The following ULK4 variants were observed in gnomAD, a reference collection of about 807,000 sequenced individuals.
ULK4 encodes unc-51 like kinase 4.
Under a neutral mutation model 160.6 loss-of-function variants are expected in ULK4, and 133 were observed. That is an observed-to-expected ratio of 0.83 (90% confidence interval 0.72 to 0.96). The LOEUF (loss-of-function observed/expected upper bound fraction) is 0.96. Among genes scored for constraint, ULK4 ranks in the 40% least tolerant of loss-of-function variants. The pLI is 0.00. For synonymous variants in ULK4, 534 were observed against 539.8 expected (o/e 0.99, Z 0.15); for missense variants, 1,580 against 1,499.5 (o/e 1.05, Z -0.89).
chr3:41,579,361 C>T (rs2030043971), intron 31 of ULK4, among the ~76,000 whole-genome samples: 1 of 152,034 alleles, frequency 6.6e-6, no homozygotes, highest in African/African-American at 2.4e-5. Flanking sequence ...GAACAGATGG[C>T]TTTACCCATG....
intron 25 of ULK4, among the ~76,000 whole-genome samples, chr3:41,706,846 AAT>A (rs2036909310): frequency 1.5e-4 from 19 of 129,580 alleles, no homozygotes; most frequent in African/African-American, 3.5e-4. Context: ...AAAAAAAAAA[AAT>A]ATGTGTGTGT....
At chr3:41,562,482 T>C (rs563936450) in intron 32 of ULK4, among the ~76,000 whole-genome samples, 12 of 152,284 alleles carry the variant, frequency 7.9e-5, no homozygotes, top group African/African-American at 2.6e-4. Flanking sequence ...CCCATTATTA[T>C]TGTGTGGGAG....
intron 21 of ULK4, among the ~76,000 whole-genome samples, chr3:41,782,431 C>T (rs150272162): frequency 0.019 from 2,883 of 151,974 alleles, 39 homozygotes; most frequent in Non-Finnish European, 0.03. Context: ...TTCAACAACC[C>T]AAAAATAACT....
intron 35 of ULK4, among the ~76,000 whole-genome samples, chr3:41,370,417 G>A (rs1184551433): frequency 1.3e-5 from 2 of 152,160 alleles, no homozygotes; most frequent in Non-Finnish European, 2.9e-5. Flanking sequence ...CAACCCAGAA[G>A]GTGGGTGATT....
At chr3:41,741,322 T>C (rs1230780447) in intron 22 of ULK4, among the ~76,000 whole-genome samples, 3 of 151,956 alleles carry the variant, frequency 2.0e-5, no homozygotes, top group Non-Finnish European at 4.4e-5. Flanking sequence ...ATAGAAGTTT[T>C]GCCACTTTTA....
At chr3:41,737,012 G>C (rs2038077847) in intron 22 of ULK4, among the ~76,000 whole-genome samples, 1 of 151,840 alleles carries the variant, frequency 6.6e-6, no homozygotes, top group Non-Finnish European at 1.5e-5. Flanking sequence ...TAGATATGTG[G>C]CATTATTTCT....
chr3:41,412,966 T>C (rs1464068403), intron 34 of ULK4, among the ~76,000 whole-genome samples: 2 of 152,200 alleles, frequency 1.3e-5, no homozygotes, highest in Non-Finnish European at 1.5e-5. Context: ...AAAGGCCTTG[T>C]AGTAGTCTGT....
chr3:41,877,990 A>C (rs901604861), intron 17 of ULK4, among the ~76,000 whole-genome samples: 1 of 152,090 alleles, frequency 6.6e-6, no homozygotes, highest in Admixed American at 6.5e-5. Context: ...TCAATAAAAA[A>C]ATCTGAATTG....
intron 17 of ULK4, among the ~76,000 whole-genome samples, chr3:41,846,516 A>T (rs935072411): frequency 2.6e-5 from 4 of 152,054 alleles, no homozygotes; most frequent in African/African-American, 9.7e-5. Context: ...AAAAATCCTA[A>T]CATTGAGGCC....
At chr3:41,499,263 T>C (rs2371585) in intron 32 of ULK4, among the ~76,000 whole-genome samples, 1 of 152,014 alleles carries the variant, frequency 6.6e-6, no homozygotes. Flanking sequence ...TAGAAAAAGC[T>C]CATGAAGAAC....
intron 34 of ULK4, among the ~76,000 whole-genome samples, chr3:41,410,975 C>G (rs2082398260): frequency 6.6e-6 from 1 of 152,142 alleles, no homozygotes. Flanking sequence ...ACACTATTTA[C>G]AAATAAGGAT....
chr3:41,629,260 G>A (rs2033653790), intron 30 of ULK4, among the ~76,000 whole-genome samples: 1 of 152,144 alleles, frequency 6.6e-6, no homozygotes, highest in South Asian at 2.1e-4. Flanking sequence ...GGAACAGCTG[G>A]GGGTTGTGAT....
chr3:41,463,385 G>T, intron 32 of ULK4, 132 bp from the exon 33 acceptor site: 1 of 796,438 alleles, frequency 1.3e-6, no homozygotes, highest in Non-Finnish European at 1.9e-6. Context: ...ACTCTTATCA[G>T]ATTCACTGAG....
At chr3:41,854,831 C>T (rs962082965) in intron 17 of ULK4, 2 of 151,844 alleles carry the variant, frequency 1.3e-5, no homozygotes, top group Non-Finnish European at 2.9e-5. Context: ...TACCCAGACC[C>T]TTTCAAGTGC....
chr3:41,459,437 G>T (rs1282070288), intron 33 of ULK4, among the ~76,000 whole-genome samples: 1 of 152,092 alleles, frequency 6.6e-6, no homozygotes, highest in African/African-American at 2.4e-5. Context: ...GTGCGGCTCG[G>T]ATCAATTCAA....
intron 32 of ULK4, among the ~76,000 whole-genome samples, chr3:41,469,618 A>AAAAAAAAAAAAAAAAAAAAAAAC (rs2083923400): frequency 6.7e-6 from 1 of 148,606 alleles, no homozygotes; most frequent in Non-Finnish European, 1.5e-5. Context: ...AAAAAAAAAA[A>AAAAAAAAAAAAAAAAAAAAAAAC]AAAAAAAAAC....
chr3:41,392,824 T>C (rs1040240202), intron 35 of ULK4, among the ~76,000 whole-genome samples: 1 of 152,198 alleles, frequency 6.6e-6, no homozygotes, highest in African/African-American at 2.4e-5. Flanking sequence ...ATCCAATTAC[T>C]GGCACCAGGT....
At chr3:41,374,735 G>A (rs771404106) in intron 35 of ULK4, among the ~76,000 whole-genome samples, 6 of 152,158 alleles carry the variant, frequency 3.9e-5, no homozygotes, top group Non-Finnish European at 8.8e-5. Context: ...ACAAGACAAT[G>A]ATGCCCTCTC....
chr3:41,632,679 C>G (rs1406066834), intron 30 of ULK4, among the ~76,000 whole-genome samples: 1 of 151,820 alleles, frequency 6.6e-6, no homozygotes, highest in Non-Finnish European at 1.5e-5. Flanking sequence ...TGCACAGTTA[C>G]TATCTGGAAC....
Sources: allele counts gnomAD v4.1 joint callset (sites outside exome capture counted in the v4.1 genomes callset), GRCh38; gene constraint gnomAD v4.1.1; transcripts MANE v1.5; gene names NCBI Gene and HGNC (gene_info 2026-07-23, HGNC 2026-07-21).